KRTAP10-3: variants seen among roughly 807,000 people sequenced by gnomAD.
The protein encoded by KRTAP10-3 is keratin associated protein 10-3, also known as keratin-associated protein 10-3.
For missense variants in KRTAP10-3, 341 were observed against 293.4 expected (o/e 1.16, Z -1.19); for synonymous variants, 151 against 126.2 (o/e 1.20, Z -1.32).
Position 44,558,402 on chromosome 21 carries a change from C to T in KRTAP10-3, c.314G>A (p.Cys105Tyr), listed in dbSNP as rs1555920343. Residue 105 changes from cysteine to tyrosine, a missense_variant, in exon 1 of 1, where the codon TGC (cysteine) becomes TAC (tyrosine). Transcript: ENST00000391620. Reference sequence around the variant, plus strand: ...GACGGGCACACAGCAGACTGGCTTGCAGCAGACAGGCACGCAGCAGGCCTG... The same window carrying T: ...GACGGGCACACAGCAGACTGGCTTGTAGCAGACAGGCACGCAGCAGGCCTG... The part of the protein sequence containing the change: ...CQQACCVPVC[C>Y]KPVCCVPVCC... 1.8e-5 allele frequency: 29 copies of T among 1,613,518 alleles called. 1 individual carries two copies. In the South Asian group the frequency reaches 3.2e-4, roughly 18 times the overall value.
In KRTAP10-3 at chr21:44,558,089, C is replaced by A. The variant is rs78814839; in HGVS notation, c.627G>T (p.Ala209=). 6.2e-7 allele frequency: 1 copy of A among 1,612,388 alleles called. No individual in the cohort carries two copies. Among genetic ancestry groups the A allele is most frequent in the Admixed American group, 1.7e-5 (1 of 59,962 alleles). Residue 209 remains alanine, a synonymous_variant, in exon 1 of 1, where the codon GCG becomes GCT. Coordinates refer to ENST00000391620, the MANE Select transcript of KRTAP10-3 (RefSeq NM_198696.3). ...TCTGGCCTGAGGAGAGGCCGCAGCA[C>A]GCGGAAGAGAGGCGGGAGCACGTGG... ...CRPTCSRLSS[A]CCGLSSGQKS... is the part of the protein sequence containing the mutation.
rs1249345379 is a variant in KRTAP10-3 at position 44,558,530 on chromosome 21, A to G, written c.186T>C (p.Cys62=). The part of the protein sequence containing the change: ...CVSSPCCQAA[C]EPSPCQSGCT... ...AGCCTGACTGGCAGGGGCTGGGCTC[A>G]CAGGCCGCCTGGCAGCAGGGGCTGG... Residue 62 remains cysteine, a synonymous_variant, in exon 1 of 1, where the codon TGT becomes TGC. Coordinates refer to ENST00000391620, the MANE Select transcript of KRTAP10-3 (RefSeq NM_198696.3). 1.2e-6 allele frequency: 2 copies of G among 1,613,344 alleles called. No homozygotes were observed. The highest frequency in any genetic ancestry group is 2.7e-5 in the African/African-American group (2 of 74,880).
In KRTAP10-3 at chr21:44,558,091, C is replaced by T. The variant is rs587708489; in HGVS notation, c.625G>A (p.Ala209Thr). The change falls in exon 1 of 1, where the codon GCG becomes ACG. Residue 209 changes from alanine (A) to threonine (T), a missense_variant. Coordinates refer to ENST00000391620, the MANE Select transcript of KRTAP10-3 (RefSeq NM_198696.3). Reference protein sequence around the residue: ...CRPTCSRLSSACCGLSSGQKS... With the variant: ...CRPTCSRLSSTCCGLSSGQKS... ...TGGCCTGAGGAGAGGCCGCAGCACG[C>T]GGAAGAGAGGCGGGAGCACGTGGGG... The T allele has an allele frequency of 2.4e-5, 38 of 1,612,572 alleles. No homozygotes were observed. Among genetic ancestry groups the T allele is most frequent in the East Asian group, 1.3e-4 (6 of 44,860 alleles).
At position 44,558,221 on chromosome 21, in the gene KRTAP10-3, C is replaced by T. The variant is rs1555920252; in HGVS notation, c.495G>A (p.Val165=). The change falls in exon 1 of 1, where the codon GTG becomes GTA. Residue 165 remains valine, a synonymous_variant. Transcript: ENST00000391620. ...SSSVSLLCRP[V]CRSTCCVPIP... ...TGGGCACACAGCAGGTGGACCTGCA[C>T]ACGGGGCGGCAGAGGAGGGACACGG... 1 of 1,567,178 alleles carries T rather than the reference C, an allele frequency of 6.4e-7. No homozygotes were observed. The highest frequency in any genetic ancestry group is 8.7e-7 in the Non-Finnish European group (1 of 1,145,774).
chr21:44,558,072 G>A lies in KRTAP10-3; in HGVS notation c.644C>T (p.Ser215Leu), dbSNP rs373197908. Reference protein sequence around the residue: ...RLSSACCGLSSGQKSSC With the variant: ...RLSSACCGLSLGQKSSC Reference sequence around the variant, plus strand: ...CCGTCAGCAGCTGGACTTCTGGCCTGAGGAGAGGCCGCAGCACGCGGAAGA... The same window carrying A: ...CCGTCAGCAGCTGGACTTCTGGCCTAAGGAGAGGCCGCAGCACGCGGAAGA... Residue 215 changes from serine to leucine, a missense_variant, in exon 1 of 1, where the codon TCA becomes TTA. Transcript: ENST00000391620. 69 of 1,610,078 alleles carry A rather than the reference G, an allele frequency of 4.3e-5. No homozygotes were observed. Among genetic ancestry groups the A allele is most frequent in the Middle Eastern group, 3.3e-4 (2 of 6,070 alleles).
At position 44,558,634 on chromosome 21, in the gene KRTAP10-3, C is replaced by T. The variant is rs1441714198; in HGVS notation, c.82G>A (p.Glu28Lys). The T allele has an allele frequency of 6.2e-7, 1 of 1,612,942 alleles. No individual in the cohort carries two copies. The highest frequency in any genetic ancestry group is 1.3e-5 in the African/African-American group (1 of 74,866). ...CAGCTGGTGGCGCAGCAGGGGGGCT[C>T]ACAGCAGCTCTCTGGGCAGGCGTCC... ...QVDACPESCC[E>K]PPCCATSCCA... The change falls in exon 1 of 1, where the codon GAG (glutamate) becomes AAG (lysine). Residue 28 changes from glutamate to lysine, a missense_variant. Coordinates refer to ENST00000391620, the MANE Select transcript of KRTAP10-3 (RefSeq NM_198696.3).
chr21:44,558,060 G>T lies in KRTAP10-3; in HGVS notation c.656C>A (p.Ser219Tyr), dbSNP rs1303161923. The T allele has an allele frequency of 1.9e-6, 3 of 1,605,798 alleles. No homozygotes were observed. Among genetic ancestry groups the T allele is most frequent in the African/African-American group, 2.7e-5 (2 of 74,810 alleles). ...ACCGLSSGQK[S>Y]SC ...AACGGGACCTGCCCGTCAGCAGCTG[G>T]ACTTCTGGCCTGAGGAGAGGCCGCA... The change falls in exon 1 of 1, where the codon TCC (serine) becomes TAC (tyrosine). Residue 219 changes from serine (S) to tyrosine (Y), a missense_variant. Physicochemically the swap from Ser to Tyr is moderately radical, Grantham distance 144. Coordinates refer to ENST00000391620, the MANE Select transcript of KRTAP10-3 (RefSeq NM_198696.3).
chr21:44,558,538 C>A lies in KRTAP10-3; in HGVS notation c.178G>T (p.Ala60Ser), dbSNP rs1555920406. 3.1e-6 allele frequency: 5 copies of A among 1,613,376 alleles called. No homozygotes were observed. The highest frequency in any genetic ancestry group is 4.2e-6 in the Non-Finnish European group (5 of 1,179,812). Residue 60 changes from alanine (A) to serine (S), a missense_variant, in exon 1 of 1, where the codon GCG becomes TCG. Physicochemically the swap from Ala to Ser is moderately conservative, Grantham distance 99. Coordinates refer to ENST00000391620, the MANE Select transcript of KRTAP10-3 (RefSeq NM_198696.3). The part of the protein sequence containing the change: ...VSCVSSPCCQ[A>S]ACEPSPCQSG... ...TGGCAGGGGCTGGGCTCACAGGCCG[C>A]CTGGCAGCAGGGGCTGGACACACAG... is the stretch of plus-strand genomic sequence containing the variant.
rs1393892354 is a variant in KRTAP10-3, at chr21:44,558,539, C to T, written c.177G>A (p.Gln59=). ...GGCAGGGGCTGGGCTCACAGGCCGC[C>T]TGGCAGCAGGGGCTGGACACACAGC... ...PVSCVSSPCC[Q]AACEPSPCQS... Residue 59 remains glutamine, a synonymous_variant, in exon 1 of 1, where the codon CAG becomes CAA. Coordinates refer to ENST00000391620, the MANE Select transcript of KRTAP10-3 (RefSeq NM_198696.3). 18 of 1,613,230 alleles carry T rather than the reference C, an allele frequency of 1.1e-5. No individual in the cohort carries two copies. The highest frequency in any genetic ancestry group is 4.5e-5 in the East Asian group (2 of 44,868).
rs782571221 is a variant in KRTAP10-3 at position 44,558,313 on chromosome 21, A to G, written c.403T>C (p.Ser135Pro). 7 of 1,614,146 alleles carry G rather than the reference A, an allele frequency of 4.3e-6. No individual in the cohort carries two copies. The South Asian group carries it at 4.4e-5, about 10-fold the overall frequency. The change falls in exon 1 of 1, where the codon TCA (serine) becomes CCA (proline). Residue 135 changes from serine (S) to proline (P), a missense_variant. By Grantham distance (74) the Ser-to-Pro change is moderately conservative (BLOSUM62 -1). Transcript: ENST00000391620. Reference protein sequence around the residue: ...CVPVCSGASSSCCQQSSRQPA... With the variant: ...CVPVCSGASSPCCQQSSRQPA... The stretch of plus-strand genomic sequence containing the variant: ...TGGCGGCTAGACTGCTGGCAGCATG[A>G]AGAGGAAGCCCCAGAGCAGACGGGC...
chr21:44,558,440 G>A lies in KRTAP10-3; in HGVS notation c.276C>T (p.Ser92=), dbSNP rs587720131. ...QSSCQPACCT[S]SPCQQACCVP... is the part of the protein sequence containing the mutation. ...CGCAGCAGGCCTGCTGGCAGGGGGAGGATGTGCAGCAAGCTGGCTGGCAGC... is the reference window on the plus strand; with the variant it reads ...CGCAGCAGGCCTGCTGGCAGGGGGAAGATGTGCAGCAAGCTGGCTGGCAGC... Residue 92 remains serine, a synonymous_variant, in exon 1 of 1, where the codon TCC becomes TCT. Coordinates refer to ENST00000391620, the MANE Select transcript of KRTAP10-3 (RefSeq NM_198696.3). 5.0e-6 allele frequency: 8 copies of A among 1,614,086 alleles called. No homozygotes were observed. The highest frequency in any genetic ancestry group is 4.4e-5 in the South Asian group (4 of 91,084).
chr21:44,558,541 G>C lies in KRTAP10-3; in HGVS notation c.175C>G (p.Gln59Glu), dbSNP rs2053582176. 6.2e-7 allele frequency: 1 copy of C among 1,613,234 alleles called. No homozygotes were observed. The highest frequency in any genetic ancestry group is 8.5e-7 in the Non-Finnish European group (1 of 1,179,824). ...PVSCVSSPCC[Q>E]AACEPSPCQS... ...CAGGGGCTGGGCTCACAGGCCGCCT[G>C]GCAGCAGGGGCTGGACACACAGCTC... The change falls in exon 1 of 1, where the codon CAG becomes GAG. Residue 59 changes from glutamine (Q) to glutamate (E), a missense_variant. Transcript: ENST00000391620.
rs782396153 is a variant in KRTAP10-3 at position 44,558,371 on chromosome 21, GCAGCAGACGGGCACA to G, written c.330_344del (p.Val111_Cys115del). On this transcript the variant is annotated inframe_deletion, in exon 1 of 1. Transcript: ENST00000391620. ...AGATGGGCTTGCAGCAGACAGGCTT[GCAGCAGACGGGCACA>G]CAGCAGACTGGCTTGCAGCAGACAG... 1.9e-6 allele frequency: 3 copies of G among 1,612,742 alleles called. No homozygotes were observed. The highest frequency in any genetic ancestry group is 1.3e-5 in the African/African-American group (1 of 74,700).
rs2053571112 is a variant in KRTAP10-3 at position 44,558,239 on chromosome 21, G to T, written c.477C>A (p.Ser159=). 6.2e-7 allele frequency: 1 copy of T among 1,613,294 alleles called. No individual in the cohort carries two copies. The highest frequency in any genetic ancestry group is 1.3e-5 in the African/African-American group (1 of 74,818). ...ACCTGCACACGGGGCGGCAGAGGAG[G>T]GACACGGAGGAGGAGGGTCTGCAGC... ...TSCCRPSSSV[S]LLCRPVCRST... The change falls in exon 1 of 1, where the codon TCC becomes TCA. Residue 159 remains serine, a synonymous_variant. Coordinates refer to ENST00000391620, the MANE Select transcript of KRTAP10-3 (RefSeq NM_198696.3).
rs1288877663 is a variant in KRTAP10-3, at chr21:44,558,244, CGGA to C, written c.469_471del (p.Ser157del). The C allele has an allele frequency of 6.2e-7, 1 of 1,613,178 alleles. No homozygotes were observed. Among genetic ancestry groups the C allele is most frequent in the Non-Finnish European group, 8.5e-7 (1 of 1,179,536 alleles). On this transcript the variant is annotated inframe_deletion, in exon 1 of 1. Coordinates refer to ENST00000391620, the MANE Select transcript of KRTAP10-3 (RefSeq NM_198696.3). Reference sequence around the variant, plus strand: ...CACACGGGGCGGCAGAGGAGGGACACGGAGGAGGAGGGTCTGCAGCAGGAGGTG... The same window carrying C: ...CACACGGGGCGGCAGAGGAGGGACACGGAGGAGGGTCTGCAGCAGGAGGTG...
chr21:44,557,806 C>T lies in KRTAP10-3; in HGVS notation c.*244G>A. 1 of 566,528 alleles carries T rather than the reference C, an allele frequency of 1.8e-6. No homozygotes were observed. The allele number at this position is 566,528 out of a possible 1,614,324, so 35.1% of individuals were successfully genotyped here. A position where few individuals can be genotyped will look rare whatever the true frequency, so the allele number is the denominator to read the frequency against. On this transcript the variant is annotated 3_prime_UTR_variant, in exon 1 of 1. Transcript: ENST00000391620. ...GACCTCTGAGAGGGCACATTGGTGA[C>T]TTTATTTGTTGACAGACTGATCACT...
rs781833971 is a variant in KRTAP10-3 at position 44,558,042 on chromosome 21, C to A, written c.*8G>T. 2 of 1,596,214 alleles carry A rather than the reference C, an allele frequency of 1.3e-6. No homozygotes were observed. The highest frequency in any genetic ancestry group is 1.7e-6 in the Non-Finnish European group (2 of 1,170,732). ...CTGGAACAACTCTGGAGAAACGGGA[C>A]CTGCCCGTCAGCAGCTGGACTTCTG... On this transcript the variant is annotated 3_prime_UTR_variant, in exon 1 of 1. Transcript: ENST00000391620.
chr21:44,558,785 G>A lies in KRTAP10-3; in HGVS notation c.-70C>T. On this transcript the variant is annotated 5_prime_UTR_variant, in exon 1 of 1. Transcript: ENST00000391620. ...AGTGTGGGAGTGAGTGAGGGAGTGA[G>A]TGAGTGATCGTGCCAGGCCTCTGAG... 1 of 1,533,228 alleles carries A rather than the reference G, an allele frequency of 6.5e-7. No homozygotes were observed. Among genetic ancestry groups the A allele is most frequent in the African/African-American group, 1.4e-5 (1 of 73,144 alleles). 95.0% of individuals were successfully genotyped at this position (1,533,228 alleles called of 1,614,324 possible).
chr21:44,558,298 A>G lies in KRTAP10-3; in HGVS notation c.418T>C (p.Ser140Pro), dbSNP rs782527756. The change falls in exon 1 of 1, where the codon TCT becomes CCT. Residue 140 changes from serine (S) to proline (P), a missense_variant. Physicochemically the swap from Ser to Pro is moderately conservative, Grantham distance 74. Transcript: ENST00000391620. ...SGASSSCCQQ[S>P]SRQPACCTTS... is the part of the protein sequence containing the mutation. ...GTGCAGCAAGCCGGCTGGCGGCTAG[A>G]CTGCTGGCAGCATGAAGAGGAAGCC... The G allele has an allele frequency of 6.8e-6, 11 of 1,614,146 alleles. No individual in the cohort carries two copies. Among genetic ancestry groups the G allele is most frequent in the African/African-American group, 1.3e-5 (1 of 75,020 alleles).
Sources: gnomAD v4.1 joint callset for allele counts on GRCh38, gnomAD v4.1.1 for gene constraint, MANE v1.5 for transcripts, NCBI Gene and HGNC (gene_info 2026-07-23, HGNC 2026-07-21) for gene names.